Variants in PREX2 observed in about 807,000 individuals in gnomAD.
The protein encoded by PREX2 is phosphatidylinositol-3,4,5-trisphosphate dependent Rac exchange factor 2.
Under a neutral mutation model 203.2 loss-of-function variants are expected in PREX2, and 107 were observed. The ratio of observed to expected loss-of-function variants is 0.53; its 90% confidence interval spans 0.45 to 0.62. PREX2 has a LOEUF of 0.62. PREX2 is among the 20% of genes least tolerant of loss of function. The probability of loss-of-function intolerance (pLI) is 0.00; values close to 1 mark genes in which losing one functional copy is unlikely to be tolerated. For synonymous variants in PREX2, 672 were observed against 663.6 expected, an observed-to-expected ratio of 1.01 and a Z score of -0.19; for missense variants, 1,777 against 1,955.9, an observed-to-expected ratio of 0.91 and a Z score of 1.72.
intron 21 of PREX2, among the ~76,000 whole-genome samples, chr8:68,096,033 G>A (rs1390647425): frequency 6.6e-6 from 1 of 152,108 alleles, no homozygotes; most frequent in African/African-American, 2.4e-5. Flanking sequence ...AAGGCCACTT[G>A]GTTGGATGCT....
At chr8:68,183,664 C>T (rs967855257) in intron 35 of PREX2, among the ~76,000 whole-genome samples, 5 of 151,952 alleles carry the variant, frequency 3.3e-5, no homozygotes, top group African/African-American at 9.7e-5. Context: ...AGTGGAGTGA[C>T]GGAGCATTTG....
chr8:67,973,893 T>A (rs967354486), intron 1 of PREX2, among the ~76,000 whole-genome samples: 9 of 152,184 alleles, frequency 5.9e-5, no homozygotes, highest in African/African-American at 1.9e-4. Flanking sequence ...AGAGTTAACA[T>A]CAAGAACAGT....
chr8:68,226,430 C>A (rs1224036268), intron 39 of PREX2, among the ~76,000 whole-genome samples: 1 of 152,124 alleles, frequency 6.6e-6, no homozygotes, highest in Non-Finnish European at 1.5e-5. Flanking sequence ...TGGACTCCAG[C>A]CCCAAAGACA....
intron 34 of PREX2, among the ~76,000 whole-genome samples, chr8:68,154,757 C>A (rs1280453152): frequency 6.6e-6 from 1 of 152,084 alleles, no homozygotes; most frequent in Non-Finnish European, 1.5e-5. Flanking sequence ...TTGCAATAGG[C>A]AGATTAATAA....
intron 1 of PREX2, among the ~76,000 whole-genome samples, chr8:67,971,295 C>A (rs1041205592): frequency 2.6e-5 from 4 of 152,112 alleles, no homozygotes; most frequent in African/African-American, 9.7e-5. Context: ...GAGATCAATT[C>A]ATTAAGCTCA....
intron 35 of PREX2, among the ~76,000 whole-genome samples, chr8:68,159,990 A>G (rs1811624372): frequency 1.3e-5 from 2 of 152,192 alleles, no homozygotes; most frequent in Non-Finnish European, 1.5e-5. Context: ...GACTCTAGAA[A>G]ATAAAACATA....
intron 1 of PREX2, among the ~76,000 whole-genome samples, chr8:67,998,789 C>CA (rs1375485059): frequency 6.6e-6 from 1 of 152,128 alleles, no homozygotes; most frequent in African/African-American, 2.4e-5. Flanking sequence ...AACAAACAAA[C>CA]AAAAATTTAA....
intron 23 of PREX2, chr8:68,105,210 A>G (rs763071599): frequency 1.6e-5 from 22 of 1,367,672 alleles, no homozygotes; most frequent in Non-Finnish European, 2.1e-5. Flanking sequence ...TGATCTTCAC[A>G]GTGTAAGCAG....
At chr8:68,044,434 A>AT in intron 7 of PREX2, 53 bp from the exon 8 acceptor site, 2 of 1,258,558 alleles carry the variant, frequency 1.6e-6, no homozygotes, top group Non-Finnish European at 2.3e-6. Context: ...TTGTTTTGAC[A>AT]TTGTTTTACA....
intron 21 of PREX2, among the ~76,000 whole-genome samples, chr8:68,095,526 TAC>T (rs1810034767): frequency 2.8e-5 from 4 of 145,262 alleles, no homozygotes; most frequent in African/African-American, 5.2e-5. Context: ...CATACATACA[TAC>T]ATACATATAT....
chr8:68,140,558 A>G (rs1418861143), intron 33 of PREX2, among the ~76,000 whole-genome samples: 1 of 152,144 alleles, frequency 6.6e-6, no homozygotes, highest in African/African-American at 2.4e-5. Context: ...TATCACTGGG[A>G]TGGAGACTAG....
chr8:67,954,927 G>C (rs1051113685), intron 1 of PREX2, among the ~76,000 whole-genome samples: 4 of 152,014 alleles, frequency 2.6e-5, no homozygotes. Context: ...TGGATCACCT[G>C]AGGTCAGGAG....
intron 1 of PREX2, among the ~76,000 whole-genome samples, chr8:67,957,844 T>G (rs1805531573): frequency 6.6e-6 from 1 of 152,184 alleles, no homozygotes; most frequent in Admixed American, 6.5e-5. Flanking sequence ...CCCCAATACT[T>G]AAGAATAGGA....
intron 1 of PREX2, among the ~76,000 whole-genome samples, chr8:67,966,408 A>G (rs1805779883): frequency 6.7e-6 from 1 of 149,954 alleles, no homozygotes; most frequent in South Asian, 2.1e-4. Flanking sequence ...AGTACTGAAT[A>G]TGTGTTAAGT....
intron 29 of PREX2, among the ~76,000 whole-genome samples, 158 bp downstream of exon 29, chr8:68,120,444 T>C (rs187952675): frequency 8.5e-5 from 13 of 152,336 alleles, no homozygotes; most frequent in Admixed American, 8.5e-4. Flanking sequence ...TTTTTGAATA[T>C]GTAAAAAAGT....
In PREX2 at chr8:68,160,319, A is replaced by G. The variant is rs891094594; in HGVS notation, c.4346+2883A>G. ...CAGAATTAAGTAATTAACTGTGCAAATGACTTAAAATCATCATAGTTATAT... is the reference window on the plus strand; with the variant it reads ...CAGAATTAAGTAATTAACTGTGCAAGTGACTTAAAATCATCATAGTTATAT... On this transcript the variant is annotated intron_variant, in intron 35 of 39. Transcript: ENST00000288368. Among the ~76,000 whole-genome samples, 18 of 152,292 alleles carry G rather than the reference A, an allele frequency of 1.2e-4. No individual in the cohort carries two copies. The South Asian group carries it at 1.7e-3, about 14-fold the overall frequency.
At chr8:68,105,472 G>A (rs1273714833) in intron 23 of PREX2, 40 of 1,150,880 alleles carry the variant, frequency 3.5e-5, no homozygotes, top group Non-Finnish European at 4.1e-5. Flanking sequence ...TGAGCTACAA[G>A]TTGGAAAGCC....
intron 33 of PREX2, among the ~76,000 whole-genome samples, chr8:68,139,683 A>G (rs1039331857): frequency 2.0e-5 from 3 of 152,190 alleles, no homozygotes; most frequent in African/African-American, 7.2e-5. Flanking sequence ...GTAGCTGTGG[A>G]GATTATTTAA....
intron 39 of PREX2, 78 bp from the exon 40 acceptor site, chr8:68,231,255 A>G: frequency 9.9e-7 from 1 of 1,011,244 alleles, no homozygotes; most frequent in Non-Finnish European, 1.4e-6. Context: ...TCATCAATGT[A>G]TTTGTTCTAC....
Sources: allele counts gnomAD v4.1 joint callset (sites outside exome capture counted in the v4.1 genomes callset), GRCh38; gene constraint gnomAD v4.1.1; transcripts MANE v1.5; gene names NCBI Gene and HGNC (gene_info 2026-07-23, HGNC 2026-07-21).